KCTD1: variants seen among roughly 807,000 people sequenced by gnomAD.
KCTD1 encodes the protein potassium channel tetramerization domain containing 1.
Under a neutral mutation model 66.0 loss-of-function variants are expected in KCTD1, and 24 were observed. That is an observed-to-expected ratio of 0.36 (90% CI 0.26 to 0.51). The LOEUF (loss-of-function observed/expected upper bound fraction) is 0.51, where lower values mean the gene tolerates loss of function less well. Ranked by LOEUF, KCTD1 falls within the 20% of genes least tolerant of loss-of-function variation. The pLI, the probability that KCTD1 is intolerant of heterozygous loss-of-function variation, is 0.95. For missense variants in KCTD1, 943 were observed against 1,205.2 expected, an observed-to-expected ratio of 0.78 and a Z score of 3.22; for synonymous variants, 511 against 517.2, an observed-to-expected ratio of 0.99 and a Z score of 0.16.
chr18:26,501,866 C>G (rs1982778353), intron 1 of KCTD1, among the ~76,000 whole-genome samples: 2 of 152,316 alleles, frequency 1.3e-5, no homozygotes, highest in South Asian at 4.1e-4. Context: ...TAAATATGTG[C>G]TTGCTCATGA....
At chr18:26,630,103 T>C (rs1188519461), upstream of KCTD1, among the ~76,000 whole-genome samples, 1 of 152,126 alleles carries the variant, frequency 6.6e-6, no homozygotes. Context: ...GTTATTTGCT[T>C]TTTCACTGTG....
chr18:26,503,229 C>T (rs1024267308), intron 1 of KCTD1, among the ~76,000 whole-genome samples: 26 of 151,470 alleles, frequency 1.7e-4, no homozygotes, highest in African/African-American at 6.3e-4. Flanking sequence ...TTTAACAATG[C>T]AAAATAGATA....
At chr18:26,492,052 G>C (rs1269778977) in intron 2 of KCTD1, among the ~76,000 whole-genome samples, 1 of 152,116 alleles carries the variant, frequency 6.6e-6, no homozygotes, top group Non-Finnish European at 1.5e-5. Context: ...GACCAGCCTA[G>C]GTAACAAAGT....
chr18:26,587,784 A>G (rs181646262), intron 1 of KCTD1, among the ~76,000 whole-genome samples: 1 of 152,360 alleles, frequency 6.6e-6, no homozygotes, highest in African/African-American at 2.4e-5. Flanking sequence ...TAGCAAGAGA[A>G]CTAGAATTAG....
Position 26,600,222 on chromosome 18 carries a change from T to C in KCTD1, c.-16+28925A>G, listed in dbSNP as rs150045070. 308 of 1,602,852 alleles carry C rather than the reference T, an allele frequency of 1.9e-4. No individual in the cohort carries two copies. In the African/African-American group the frequency reaches 2.1e-3, roughly 11 times the overall value. Reference sequence around the variant, plus strand: ...AGATGAGCTCCCAGCCCAAGTCGGCTTGTGGAAACTGCTACCTGGGTGATG... The same window carrying C: ...AGATGAGCTCCCAGCCCAAGTCGGCCTGTGGAAACTGCTACCTGGGTGATG... On this transcript the variant is annotated intron_variant, in intron 1 of 4. Coordinates refer to the KCTD1 transcript ENST00000317932.
Position 26,455,920 on chromosome 18 carries a change from A to G in KCTD1, c.2440-19T>C. On this transcript the variant is annotated intron_variant, in intron 4 of 4. Transcript: ENST00000580059. The stretch of plus-strand genomic sequence containing the variant: ...CGAGGACCTGCGAGGGAACAAGACA[A>G]GCATCCAGTTAGGGGTGAGGTAAGT... The G allele has an allele frequency of 6.2e-7, 1 of 1,609,916 alleles. No individual in the cohort carries two copies. Among genetic ancestry groups the G allele is most frequent in the Non-Finnish European group, 8.5e-7 (1 of 1,177,042 alleles).
chr18:26,633,366 A>G (rs1260620462), upstream of KCTD1, among the ~76,000 whole-genome samples: 3 of 152,174 alleles, frequency 2.0e-5, no homozygotes, highest in African/African-American at 7.2e-5. Flanking sequence ...AAGACAAATT[A>G]TCATAAAAGG....
chr18:26,492,330 A>G (rs866136378), intron 2 of KCTD1, among the ~76,000 whole-genome samples: 9 of 152,014 alleles, frequency 5.9e-5, no homozygotes, highest in Non-Finnish European at 1.2e-4. Flanking sequence ...CCTGCCCCTG[A>G]GTTTGAGAAC....
intron 1 of KCTD1, among the ~76,000 whole-genome samples, chr18:26,588,835 G>T (rs1459161969): frequency 1.3e-5 from 2 of 152,172 alleles, no homozygotes; most frequent in Non-Finnish European, 2.9e-5. Flanking sequence ...TTTCCACAAG[G>T]AGCAGAACTC....
chr18:26,593,673 AGATG>A (rs1986690320), intron 1 of KCTD1, among the ~76,000 whole-genome samples: 1 of 94,710 alleles, frequency 1.1e-5, no homozygotes. Flanking sequence ...AGGAGGAGGA[AGATG>A]AGGAGGAGGA....
chr18:26,534,532 T>A lies in KCTD1; in HGVS notation c.1809+12196A>T, dbSNP rs187887067. Among the ~76,000 whole-genome samples, 8 of 152,312 alleles carry A rather than the reference T, an allele frequency of 5.3e-5. No homozygotes were observed. The East Asian group carries it at 1.5e-3, about 29-fold the overall frequency. ...TATCTTTCAAAGAGAATACTGAAGA[T>A]CATCTGTAAATTGTATATAATCTCT... On this transcript the variant is annotated intron_variant, in intron 1 of 4. Coordinates refer to ENST00000580059, the MANE Select transcript of KCTD1 (RefSeq NM_001142730.3).
At chr18:26,574,349 G>A (rs566589207) in intron 1 of KCTD1, among the ~76,000 whole-genome samples, 7 of 152,186 alleles carry the variant, frequency 4.6e-5, no homozygotes, top group Non-Finnish European at 1.0e-4. Context: ...CATGGGACTC[G>A]TGATGCCTTT....
intron 1 of KCTD1, among the ~76,000 whole-genome samples, chr18:26,574,041 A>T (rs890619052): frequency 6.6e-6 from 1 of 152,180 alleles, no homozygotes; most frequent in Admixed American, 6.5e-5. Flanking sequence ...CGTGTTGGCC[A>T]TACTTTGTGC....
chr18:26,523,841 AAAC>A (rs541441489), intron 1 of KCTD1, among the ~76,000 whole-genome samples: 145 of 152,338 alleles, frequency 9.5e-4, no homozygotes, highest in African/African-American at 2.8e-3. Flanking sequence ...GCAATTTGTG[AAAC>A]AACAATTAAT....
intron 1 of KCTD1, among the ~76,000 whole-genome samples, chr18:26,657,183 C>T (rs1458909123): frequency 2.0e-5 from 3 of 151,572 alleles, no homozygotes; most frequent in African/African-American, 4.8e-5. Context: ...GGCGGCGGCC[C>T]CTGCCCCGCC....
chr18:26,481,199 C>T (rs566736184), intron 2 of KCTD1, among the ~76,000 whole-genome samples: 1 of 152,084 alleles, frequency 6.6e-6, no homozygotes, highest in Non-Finnish European at 1.5e-5. Flanking sequence ...GAATTTAAGT[C>T]GTCGGGGCTG....
chr18:26,530,177 A>G (rs1001199525), intron 1 of KCTD1, among the ~76,000 whole-genome samples: 10 of 152,138 alleles, frequency 6.6e-5, no homozygotes, highest in South Asian at 4.1e-4. Flanking sequence ...TCTACACCCA[A>G]ATTTTAACAT....
chr18:26,513,698 T>C (rs1454857365), intron 1 of KCTD1, among the ~76,000 whole-genome samples: 1 of 152,262 alleles, frequency 6.6e-6, no homozygotes, highest in Non-Finnish European at 1.5e-5. Flanking sequence ...GTAATGCTCT[T>C]TCCAGTTCTG....
At chr18:26,569,672 A>T (rs1169935598) in intron 1 of KCTD1, among the ~76,000 whole-genome samples, 1 of 152,192 alleles carries the variant, frequency 6.6e-6, no homozygotes, top group Non-Finnish European at 1.5e-5. Flanking sequence ...AGGGGTACAG[A>T]TTATTCACAA....
Sources: gnomAD v4.1 joint callset for allele counts (sites outside exome capture counted in the v4.1 genomes callset) on GRCh38, gnomAD v4.1.1 for gene constraint, MANE v1.5 for transcripts, NCBI Gene and HGNC (gene_info 2026-07-23, HGNC 2026-07-21) for gene names.